The following HDAC11 variants were observed in gnomAD, a reference collection of about 807,000 sequenced individuals.
HDAC11 encodes histone deacetylase 11.
A neutral mutation model predicts 41.1 loss-of-function variants in HDAC11; 23 were observed. The ratio of observed to expected loss-of-function variants is 0.56; its 90% CI spans 0.40 to 0.79. HDAC11 has a LOEUF of 0.79. HDAC11 is among the 30% of genes least tolerant of loss of function. HDAC11 has a pLI of 0.00. For synonymous variants in HDAC11, 187 were observed against 186.6 expected, an observed-to-expected ratio of 1.00 and a Z score of -0.02; for missense variants, 402 against 477.3, an observed-to-expected ratio of 0.84 and a Z score of 1.47.
chr3:13,481,783 A>C (rs1559368734), intron 2 of HDAC11, among the ~76,000 whole-genome samples: 1 of 152,202 alleles, frequency 6.6e-6, no homozygotes, highest in Non-Finnish European at 1.5e-5. Context: ...ATTGTGTCCT[A>C]GAATGATTAG....
At chr3:13,482,060 C>T (rs972281711) in intron 2 of HDAC11, among the ~76,000 whole-genome samples, 1 of 152,182 alleles carries the variant, frequency 6.6e-6, no homozygotes, top group Non-Finnish European at 1.5e-5. Context: ...TGACCTCTTT[C>T]CAGGGAAGGA....
At chr3:13,485,318 A>G (rs147341484) in intron 3 of HDAC11, among the ~76,000 whole-genome samples, 16 of 152,354 alleles carry the variant, frequency 1.1e-4, no homozygotes, top group Non-Finnish European at 2.2e-4. Flanking sequence ...CTTGGCAGGA[A>G]GCCCAGTGCT....
chr3:13,504,514 G>A lies in HDAC11; in HGVS notation c.875G>A (p.Arg292His), dbSNP rs148372569. The A allele has an allele frequency of 7.4e-6, 12 of 1,613,360 alleles. No individual in the cohort carries two copies. The highest frequency in any genetic ancestry group is 2.7e-5 in the African/African-American group (2 of 74,928). ...DELVFRMVRG[R>H]RVPILMVTSG... ...CTGGTGTTCCGGATGGTCCGTGGCC[G>A]CCGGGTGCCCATCCTTATGGTGACC... Residue 292 changes from arginine (R) to histidine (H), a missense_variant, in exon 10 of 10, where the codon CGC becomes CAC. Arg to His is a conservative substitution (Grantham distance 29). Transcript: ENST00000295757.
At chr3:13,484,124 G>C (rs1701450354) in intron 3 of HDAC11, among the ~76,000 whole-genome samples, 1 of 152,008 alleles carries the variant, frequency 6.6e-6, no homozygotes, top group African/African-American at 2.4e-5. Context: ...ACCATGCCTG[G>C]CTAATTTTTT....
At chr3:13,490,640 A>G (rs1701808132) in intron 3 of HDAC11, among the ~76,000 whole-genome samples, 1 of 149,534 alleles carries the variant, frequency 6.7e-6, no homozygotes, top group Admixed American at 6.7e-5. Context: ...AAGATTGTTC[A>G]TTGCTGGTAT....
chr3:13,480,360 C>A lies in HDAC11; in HGVS notation c.2+11C>A, dbSNP rs1701244029. 1.7e-6 allele frequency: 2 copies of A among 1,209,426 alleles called. No homozygotes were observed. The highest frequency in any genetic ancestry group is 4.4e-5 in the Admixed American group (1 of 22,864). The allele number at this position is 1,209,426 out of a possible 1,614,324, so 74.9% of individuals were successfully genotyped here. On this transcript the variant is annotated intron_variant, in intron 1 of 9. Coordinates refer to ENST00000295757, the MANE Select transcript of HDAC11 (RefSeq NM_024827.4). This position sits in a 1 kb window ranked among gnomAD's most constrained non-coding sequence, Gnocchi z 4.6. ...GGCCGGCCCCGGGATGTGAGTGCCGCGGGGCGAGGGCGGGGGTGGGCTCCC... is the reference window on the plus strand; with the variant it reads ...GGCCGGCCCCGGGATGTGAGTGCCGAGGGGCGAGGGCGGGGGTGGGCTCCC...
chr3:13,485,013 A>G (rs923667040), intron 3 of HDAC11, among the ~76,000 whole-genome samples: 1 of 152,208 alleles, frequency 6.6e-6, no homozygotes, highest in African/African-American at 2.4e-5. Flanking sequence ...TTAGACTCAG[A>G]GCCACAGTGG....
intron 3 of HDAC11, among the ~76,000 whole-genome samples, chr3:13,494,266 T>C (rs1025673265): frequency 5.3e-5 from 8 of 152,116 alleles, no homozygotes. Context: ...TGTGACTCCA[T>C]GTGCTCCTTC....
At chr3:13,497,328 G>A (rs1347706020) in intron 4 of HDAC11, among the ~76,000 whole-genome samples, 4 of 151,926 alleles carry the variant, frequency 2.6e-5, no homozygotes, top group Non-Finnish European at 5.9e-5. Flanking sequence ...ACAGGTGTTC[G>A]CCACCATGCC....
chr3:13,499,626 T>C (rs73142248), intron 5 of HDAC11, among the ~76,000 whole-genome samples: 6,039 of 152,250 alleles, frequency 0.04, 158 homozygotes, highest in Middle Eastern at 0.095. Flanking sequence ...AGAGTCCACC[T>C]TGGGCCACTG....
At chr3:13,486,581 T>G (rs1404982284) in intron 3 of HDAC11, among the ~76,000 whole-genome samples, 11 of 147,242 alleles carry the variant, frequency 7.5e-5, no homozygotes, top group Non-Finnish European at 9.0e-5. Context: ...GTTTTTTTTT[T>G]TTTTTTTTTT....
Position 13,502,829 on chromosome 3 carries a change from C to A in HDAC11, c.553-55C>A. ...CCTGAGGGGTGGGTGGGTGGCAGAG[C>A]CCCAGCCTTGCCTAGGGCACCTACC... On this transcript the variant is annotated intron_variant, in intron 7 of 9. Coordinates refer to ENST00000295757, the MANE Select transcript of HDAC11 (RefSeq NM_024827.4). This position sits in a 1 kb window ranked among gnomAD's most constrained non-coding sequence, Gnocchi z 4.1. The A allele has an allele frequency of 6.9e-7, 1 of 1,442,280 alleles. No individual in the cohort carries two copies. Among genetic ancestry groups the A allele is most frequent in the Non-Finnish European group, 9.7e-7 (1 of 1,029,114 alleles). The allele number at this position is 1,442,280 out of a possible 1,614,324, so 89.3% of individuals were successfully genotyped here.
At chr3:13,499,793 C>T (rs1267049418) in intron 5 of HDAC11, among the ~76,000 whole-genome samples, 3 of 152,158 alleles carry the variant, frequency 2.0e-5, no homozygotes, top group Non-Finnish European at 2.9e-5. Flanking sequence ...AGCAGGGTTC[C>T]GAGGAGGGCC....
intron 3 of HDAC11, among the ~76,000 whole-genome samples, chr3:13,494,956 A>G (rs1337057224): frequency 6.6e-6 from 1 of 152,004 alleles, no homozygotes; most frequent in Non-Finnish European, 1.5e-5. Flanking sequence ...CCCCTCTGCC[A>G]TCACACCCAT....
At position 13,492,705 on chromosome 3, in the gene HDAC11, G is replaced by A. The variant is rs575219022; in HGVS notation, c.253-4031G>A. Among the ~76,000 whole-genome samples, 7 of 152,140 alleles carry A rather than the reference G, an allele frequency of 4.6e-5. No individual in the cohort carries two copies. The South Asian group carries it at 1.2e-3, about 27-fold the overall frequency. On this transcript the variant is annotated intron_variant, in intron 3 of 9. Coordinates refer to ENST00000295757, the MANE Select transcript of HDAC11 (RefSeq NM_024827.4). ...ATTACAGGCACCTGCCACCATGCCC[G>A]GCTAATTTTTGTGTTTTTAATGGAC... is the stretch of plus-strand genomic sequence containing the variant.
At position 13,501,944 on chromosome 3, in the gene HDAC11, T is replaced by C. The variant is rs1702386423; in HGVS notation, c.552+11T>C. ...CTTGATGCCCATCAGGTGAGTGCCC[T>C]GCAGGGGCTGGACTCTTAGGGGACC... On this transcript the variant is annotated intron_variant, in intron 7 of 9. Coordinates refer to ENST00000295757, the MANE Select transcript of HDAC11 (RefSeq NM_024827.4). 2 of 1,612,234 alleles carry C rather than the reference T, an allele frequency of 1.2e-6. No homozygotes were observed. Among genetic ancestry groups the C allele is most frequent in the Non-Finnish European group, 1.7e-6 (2 of 1,178,450 alleles).
At chr3:13,488,989 G>A (rs1701725220) in intron 3 of HDAC11, among the ~76,000 whole-genome samples, 1 of 151,644 alleles carries the variant, frequency 6.6e-6, no homozygotes, top group South Asian at 2.1e-4. Flanking sequence ...GTTTTAATTT[G>A]CATTTACCTA....
At chr3:13,503,594 G>A (rs972744901) in intron 8 of HDAC11, among the ~76,000 whole-genome samples, 7 of 152,202 alleles carry the variant, frequency 4.6e-5, no homozygotes, top group African/African-American at 1.2e-4. Context: ...ATGTATAATC[G>A]TTAAAATGAA....
intron 6 of HDAC11, 83 bp downstream of exon 6, chr3:13,500,872 C>A: frequency 9.2e-7 from 1 of 1,084,718 alleles, no homozygotes; most frequent in Non-Finnish European, 1.3e-6. Context: ...TGTTCTCACC[C>A]TGAATTATAG....
Sources: allele counts gnomAD v4.1 joint callset (sites outside exome capture counted in the v4.1 genomes callset), GRCh38; gene constraint gnomAD v4.1.1; non-coding constraint Gnocchi (gnomAD v3.1); transcripts MANE v1.5; gene names NCBI Gene and HGNC (gene_info 2026-07-23, HGNC 2026-07-21).